Variants in IQGAP1 observed in about 807,000 individuals in gnomAD.
IQGAP1 encodes ras GTPase-activating-like protein IQGAP1.
Under a neutral mutation model 215.6 loss-of-function variants are expected in IQGAP1, and 66 were observed. The observed-to-expected ratio is 0.31, with a 90% confidence interval of 0.25 to 0.38. IQGAP1 has a LOEUF of 0.38. Ranked by LOEUF, IQGAP1 falls within the 10% of genes least tolerant of loss-of-function variation. IQGAP1 has a pLI of 1.00. For synonymous variants in IQGAP1, 772 were observed against 728.7 expected, an observed-to-expected ratio of 1.06 and a Z score of -0.96; for missense variants, 1,712 against 1,997.1, an observed-to-expected ratio of 0.86 and a Z score of 2.72.
rs1596294452 is a variant in IQGAP1 at position 90,491,549 on chromosome 15, C to T, written c.4461+4C>T. Reference sequence around the variant, plus strand: ...ACTGATCAACGACATTGCCAGGGTACTGCATTCGGGGGACAGAGGGGACCC... The same window carrying T: ...ACTGATCAACGACATTGCCAGGGTATTGCATTCGGGGGACAGAGGGGACCC... On this transcript the variant is annotated splice_donor_region_variant and intron_variant, in intron 34 of 37. Coordinates refer to ENST00000268182, the MANE Select transcript of IQGAP1 (RefSeq NM_003870.4). The T allele has an allele frequency of 3.1e-6, 5 of 1,612,808 alleles. No individual in the cohort carries two copies. In the South Asian group the frequency reaches 5.5e-5, roughly 18 times the overall value.
intron 17 of IQGAP1, among the ~76,000 whole-genome samples, chr15:90,466,984 C>T (rs942889723): frequency 6.6e-5 from 10 of 151,832 alleles, no homozygotes; most frequent in Non-Finnish European, 8.8e-5. Context: ...CCCAGCTACC[C>T]GGGAGGCTGG....
rs550812119 is a variant in IQGAP1, at chr15:90,421,909, C to T, written c.156-4201C>T. Among the ~76,000 whole-genome samples, 30 of 152,336 alleles carry T rather than the reference C, an allele frequency of 2.0e-4. No individual in the cohort carries two copies. In the South Asian group the frequency reaches 5.8e-3, roughly 29 times the overall value. On this transcript the variant is annotated intron_variant, in intron 2 of 37. Transcript: ENST00000268182. ...TTCCTGACCTCAAGTGATCCACCCG[C>T]GTTGGCCTCCCAAAGTGCTGGGATT... is the stretch of plus-strand genomic sequence containing the variant.
chr15:90,486,217 T>C (rs1488948304), intron 31 of IQGAP1, 85 bp downstream of exon 31: 7 of 811,942 alleles, frequency 8.6e-6, no homozygotes, highest in Non-Finnish European at 1.2e-5. Context: ...TTTTTTGCAC[T>C]ATACCAAACT....
At chr15:90,488,962 G>A (rs1167760085) in intron 33 of IQGAP1, among the ~76,000 whole-genome samples, 1 of 152,108 alleles carries the variant, frequency 6.6e-6, no homozygotes, top group Non-Finnish European at 1.5e-5. Context: ...CCTCTGTAAG[G>A]TTGAAGACCA....
intron 17 of IQGAP1, 105 bp downstream of exon 17, chr15:90,466,541 T>C: frequency 9.3e-7 from 1 of 1,075,258 alleles, no homozygotes; most frequent in Middle Eastern, 2.7e-4. Flanking sequence ...CCTTTTAGCA[T>C]AGATGTACAG....
Position 90,433,803 on chromosome 15 carries a change from A to C in IQGAP1, c.467+8A>C, listed in dbSNP as rs199964172. On this transcript the variant is annotated splice_region_variant and intron_variant, in intron 5 of 37. Coordinates refer to ENST00000268182, the MANE Select transcript of IQGAP1 (RefSeq NM_003870.4). ...CTGTATCCATGCACTCAGGTAGTCA[A>C]ATTTTCTTGGCAAAATAAGGAAATT... is the stretch of plus-strand genomic sequence containing the variant. 1.9e-6 allele frequency: 3 copies of C among 1,547,312 alleles called. No homozygotes were observed. Among genetic ancestry groups the C allele is most frequent in the African/African-American group, 1.4e-5 (1 of 73,064 alleles).
chr15:90,480,749 A>T (rs1966047082), intron 26 of IQGAP1, among the ~76,000 whole-genome samples: 1 of 152,080 alleles, frequency 6.6e-6, no homozygotes, highest in Non-Finnish European at 1.5e-5. Flanking sequence ...GCTCACTGCA[A>T]CCTCTGCCTC....
rs1042073179 is a variant in IQGAP1 at position 90,467,501 on chromosome 15, A to G, written c.2087A>G (p.Tyr696Cys). The G allele has an allele frequency of 3.7e-6, 6 of 1,613,288 alleles. No individual in the cohort carries two copies. Among genetic ancestry groups the G allele is most frequent in the East Asian group, 2.2e-5 (1 of 44,808 alleles). ...CACTGGGTAAAAGGTGGATATTATT[A>G]TTACCACAATCTGGAGACCCAGGAA... ...VKHWVKGGYY[Y>C]YHNLETQEGG... The change falls in exon 18 of 38, where the codon TAT (tyrosine) becomes TGT (cysteine). Residue 696 changes from tyrosine to cysteine, a missense_variant. Tyr to Cys is a radical substitution (Grantham distance 194). This residue lies in a region of IQGAP1 where 1,021 missense variants were observed against 1,074.2 expected (regional missense o/e 0.95). Transcript: ENST00000268182.
At chr15:90,425,994 G>C in intron 2 of IQGAP1, 116 bp from the exon 3 acceptor site, 1 of 912,992 alleles carries the variant, frequency 1.1e-6, no homozygotes, top group Non-Finnish European at 1.6e-6. Context: ...TTGTAAAAGA[G>C]TGCTATTATG....
In IQGAP1 at chr15:90,388,328, C is replaced by G. The variant is rs765703669; in HGVS notation, c.-14C>G. On this transcript the variant is annotated 5_prime_UTR_variant, in exon 1 of 38. Coordinates refer to ENST00000268182, the MANE Select transcript of IQGAP1 (RefSeq NM_003870.4). ...TTTCACGGCTTCCTCAGCAGAGACT[C>G]GGGCTCGTCCGCCATGTCCGCCGCA... 3 of 1,595,900 alleles carry G rather than the reference C, an allele frequency of 1.9e-6. No homozygotes were observed. In the Admixed American group the frequency reaches 5.1e-5, roughly 27 times the overall value.
At chr15:90,400,349 C>A (rs1322303224) in intron 2 of IQGAP1, among the ~76,000 whole-genome samples, 1 of 152,044 alleles carries the variant, frequency 6.6e-6, no homozygotes, top group East Asian at 1.9e-4. Context: ...TTCCTTGGTT[C>A]TGTTAATGGT....
intron 30 of IQGAP1, among the ~76,000 whole-genome samples, 198 bp downstream of exon 30, chr15:90,484,550 C>T (rs1370681936): frequency 1.3e-5 from 2 of 151,932 alleles, no homozygotes; most frequent in Non-Finnish European, 2.9e-5. Context: ...ACTGTGTTGC[C>T]CAGGCTGGAG....
chr15:90,397,888 C>CTTTTTTTTTTTTTTTTTTT (rs763133807), intron 2 of IQGAP1: 11 of 44,376 alleles, frequency 2.5e-4, no homozygotes, highest in African/African-American at 1.2e-3. Context: ...TTTTTTTTTT[C>CTTTTTTTTTTTTTTTTTTT]TTTTTTTTTT....
chr15:90,475,356 C>G (rs1372128485), intron 23 of IQGAP1, among the ~76,000 whole-genome samples: 1 of 151,364 alleles, frequency 6.6e-6, no homozygotes, highest in African/African-American at 2.4e-5. Flanking sequence ...TGGTCTGGAA[C>G]TCCTGGCCTC....
At chr15:90,478,905 A>G (rs896936139) in intron 26 of IQGAP1, among the ~76,000 whole-genome samples, 2 of 152,248 alleles carry the variant, frequency 1.3e-5, no homozygotes, top group Non-Finnish European at 2.9e-5. Context: ...AGCTAGGGCC[A>G]TAGCGTAACC....
intron 15 of IQGAP1, among the ~76,000 whole-genome samples, chr15:90,459,568 A>G (rs906370610): frequency 3.9e-5 from 6 of 152,228 alleles, no homozygotes; most frequent in Admixed American, 2.0e-4. Flanking sequence ...CTGTGGAATA[A>G]CTTTTCAGAC....
chr15:90,427,316 A>G (rs1042090878), intron 3 of IQGAP1, among the ~76,000 whole-genome samples: 2 of 152,206 alleles, frequency 1.3e-5, no homozygotes, highest in African/African-American at 4.8e-5. Flanking sequence ...ATGAAAAAAC[A>G]TCACCCTGCG....
chr15:90,399,161 C>G (rs987886477), intron 2 of IQGAP1, among the ~76,000 whole-genome samples: 1 of 151,606 alleles, frequency 6.6e-6, no homozygotes, highest in East Asian at 1.9e-4. Flanking sequence ...TGGGGTTTCT[C>G]TATGTTGCCA....
At chr15:90,399,477 G>T (rs539179745) in intron 2 of IQGAP1, among the ~76,000 whole-genome samples, 2 of 152,128 alleles carry the variant, frequency 1.3e-5, no homozygotes, top group East Asian at 3.9e-4. Flanking sequence ...ACATGGACTT[G>T]ACTTTCTCTC....
Sources: gnomAD v4.1 joint callset for allele counts (sites outside exome capture counted in the v4.1 genomes callset) on GRCh38, gnomAD v4.1.1 for gene constraint, gnomAD v4.1.1 regional missense constraint, MANE v1.5 for transcripts, NCBI Gene and HGNC (gene_info 2026-07-23, HGNC 2026-07-21) for gene names.